CC2D2A: variants seen among roughly 807,000 people sequenced by gnomAD.
CC2D2A encodes coiled-coil and C2 domain containing 2A.
A neutral mutation model predicts 212.9 loss-of-function variants in CC2D2A; 155 were observed. That is an observed-to-expected ratio of 0.73 (90% CI 0.64 to 0.83). CC2D2A has a LOEUF of 0.83. Among genes scored for constraint, CC2D2A ranks in the 40% least tolerant of loss-of-function variants. CC2D2A has a pLI of 0.00. For missense variants in CC2D2A, 1,856 were observed against 1,956.2 expected, an observed-to-expected ratio of 0.95 and a Z score of 0.97; for synonymous variants, 667 against 686.5, an observed-to-expected ratio of 0.97 and a Z score of 0.44.
At chr4:15,580,484 A>G (rs1720614259) in intron 30 of CC2D2A, among the ~76,000 whole-genome samples, 1 of 152,066 alleles carries the variant, frequency 6.6e-6, no homozygotes, top group African/African-American at 2.4e-5. Flanking sequence ...CTGGAAATAC[A>G]AAAATTAGCC....
intron 1 of CC2D2A, among the ~76,000 whole-genome samples, chr4:15,474,948 G>T (rs1045744087): frequency 3.3e-5 from 5 of 152,188 alleles, no homozygotes; most frequent in African/African-American, 7.2e-5. Context: ...TTGAAAAATT[G>T]AGCAACAGCT....
At chr4:15,566,819 T>A (rs1719900748) in intron 24 of CC2D2A, among the ~76,000 whole-genome samples, 1 of 151,586 alleles carries the variant, frequency 6.6e-6, no homozygotes, top group Non-Finnish European at 1.5e-5. Flanking sequence ...ACAAAAAATT[T>A]TAAAAATTAG....
At chr4:15,485,148 T>C (rs1459093260) in intron 4 of CC2D2A, among the ~76,000 whole-genome samples, 1 of 152,252 alleles carries the variant, frequency 6.6e-6, no homozygotes, top group African/African-American at 2.4e-5. Context: ...GACAGGGTCC[T>C]GCCTCTGGTA....
intron 4 of CC2D2A, among the ~76,000 whole-genome samples, chr4:15,497,676 CTTGT>C (rs1162078840): frequency 1.3e-5 from 2 of 152,170 alleles, no homozygotes; most frequent in Non-Finnish European, 2.9e-5. Flanking sequence ...TATTATCTCT[CTTGT>C]TTATTATAGT....
At chr4:15,492,953 T>C in intron 4 of CC2D2A, 1 of 501,488 alleles carries the variant, frequency 2.0e-6, no homozygotes, top group Non-Finnish European at 3.9e-6. Flanking sequence ...CTTCACCACC[T>C]TTTTGATGTC....
chr4:15,539,430 G>C (rs1177498391), intron 16 of CC2D2A, among the ~76,000 whole-genome samples: 1 of 152,208 alleles, frequency 6.6e-6, no homozygotes, highest in Non-Finnish European at 1.5e-5. Context: ...CGTGAAAAAT[G>C]AGAATTCAAA....
intron 4 of CC2D2A, chr4:15,492,898 C>T (rs577781747): frequency 5.4e-6 from 3 of 555,626 alleles, no homozygotes; most frequent in South Asian, 4.5e-5. Context: ...AGCCTGGGTG[C>T]TCAGTGTAGC....
chr4:15,513,113 A>G (rs550145625), intron 8 of CC2D2A, among the ~76,000 whole-genome samples: 3 of 152,188 alleles, frequency 2.0e-5, no homozygotes, highest in South Asian at 4.1e-4. Context: ...CCGGAAATGT[A>G]CTTTTTTTAC....
rs201439700 is a variant in CC2D2A, at chr4:15,515,935, C to A, written c.948C>A (p.Thr316=). 1 of 1,567,108 alleles carries A rather than the reference C, an allele frequency of 6.4e-7. No homozygotes were observed. Among genetic ancestry groups the A allele is most frequent in the Non-Finnish European group, 8.7e-7 (1 of 1,155,670 alleles). Reference sequence around the variant, plus strand: ...TCCTGGAAGATGAAGGCCTTTACACCGGGGTAAGACCAGAGGTGGCACGCA... The same window carrying A: ...TCCTGGAAGATGAAGGCCTTTACACAGGGGTAAGACCAGAGGTGGCACGCA... The part of the protein sequence containing the change: ...PRFLEDEGLY[T]GVRPEVARTN... The change falls in exon 10 of 37, where the codon ACC becomes ACA. Residue 316 remains threonine, a synonymous_variant. Transcript: ENST00000424120.
At chr4:15,537,733 A>T (rs1489378980) in intron 15 of CC2D2A, among the ~76,000 whole-genome samples, 166 bp from the exon 16 acceptor site, 4 of 152,048 alleles carry the variant, frequency 2.6e-5, no homozygotes, top group Non-Finnish European at 4.4e-5. Flanking sequence ...TAGATGAAAA[A>T]ACTGAGGCAC....
chr4:15,498,704 A>G (rs1036574071), intron 4 of CC2D2A, among the ~76,000 whole-genome samples: 1 of 152,254 alleles, frequency 6.6e-6, no homozygotes, highest in Non-Finnish European at 1.5e-5. Context: ...TAACCCCATT[A>G]GCTATGATGT....
intron 17 of CC2D2A, among the ~76,000 whole-genome samples, chr4:15,550,186 A>G (rs994644443): frequency 2.0e-5 from 3 of 152,150 alleles, no homozygotes; most frequent in Admixed American, 6.5e-5. Context: ...GGGGCCCTTC[A>G]CCTCATGGTG....
At chr4:15,581,396 C>T (rs1651954283) in intron 30 of CC2D2A, among the ~76,000 whole-genome samples, 1 of 152,012 alleles carries the variant, frequency 6.6e-6, no homozygotes, top group Non-Finnish European at 1.5e-5. Context: ...ATATAAGAGA[C>T]AAGAAATAAG....
chr4:15,508,849 T>C (rs1004411000), intron 6 of CC2D2A, among the ~76,000 whole-genome samples: 11 of 152,196 alleles, frequency 7.2e-5, no homozygotes, highest in African/African-American at 2.4e-4. Flanking sequence ...GTTTCTGTCA[T>C]AGGTAGAATA....
chr4:15,569,765 T>C (rs1304744172), intron 27 of CC2D2A, among the ~76,000 whole-genome samples: 1 of 152,080 alleles, frequency 6.6e-6, no homozygotes, highest in Non-Finnish European at 1.5e-5. Context: ...AAGAATCTAT[T>C]TATTATATTT....
chr4:15,525,279 C>T (rs1012521754), intron 11 of CC2D2A, among the ~76,000 whole-genome samples: 3 of 152,186 alleles, frequency 2.0e-5, no homozygotes, highest in Admixed American at 6.5e-5. Flanking sequence ...TGAGTGATCT[C>T]ATAACTCTGG....
At chr4:15,567,918 G>A (rs906280277) in intron 26 of CC2D2A, 132 bp downstream of exon 26, 7 of 618,886 alleles carry the variant, frequency 1.1e-5, no homozygotes, top group East Asian at 3.2e-5. Flanking sequence ...GTGTCCTGAC[G>A]CCAAGTCCCA....
At chr4:15,500,101 GTGTGTGTA>G (rs1453554125) in intron 4 of CC2D2A, among the ~76,000 whole-genome samples, 11 of 71,132 alleles carry the variant, frequency 1.5e-4, no homozygotes, top group South Asian at 5.2e-4. Context: ...GTGTGTGTGT[GTGTGTGTA>G]TATATATATA....
intron 17 of CC2D2A, among the ~76,000 whole-genome samples, chr4:15,541,306 G>T (rs1302694447): frequency 2.0e-5 from 3 of 151,892 alleles, no homozygotes; most frequent in African/African-American, 7.3e-5. Context: ...GCGACAGAGT[G>T]TGACTCTGTC....
Sources: gnomAD v4.1 joint callset for allele counts (sites outside exome capture counted in the v4.1 genomes callset) on GRCh38, gnomAD v4.1.1 for gene constraint, MANE v1.5 for transcripts, NCBI Gene and HGNC (gene_info 2026-07-23, HGNC 2026-07-21) for gene names.